Variants in RBFOX1 observed in about 807,000 individuals in gnomAD.
RBFOX1 encodes the protein RNA binding fox-1 homolog 1.
A neutral mutation model predicts 57.7 loss-of-function variants in RBFOX1; 8 were observed. That is an observed-to-expected ratio of 0.14 (90% CI 0.08 to 0.25). The LOEUF (loss-of-function observed/expected upper bound fraction) is 0.25, where lower values mean the gene tolerates loss of function less well. Ranked by LOEUF, RBFOX1 falls within the 10% of genes least tolerant of loss-of-function variation. RBFOX1 has a pLI of 1.00. For missense variants in RBFOX1, 611 were observed against 548.5 expected (o/e 1.11, Z -1.14); for synonymous variants, 326 against 222.4 (o/e 1.47, Z -4.15).
chr16:6,573,296 C>G (rs568651263), intron 2 of RBFOX1, among the ~76,000 whole-genome samples: 28 of 152,226 alleles, frequency 1.8e-4, no homozygotes, highest in Non-Finnish European at 3.7e-4. Flanking sequence ...TGCCAGGGGA[C>G]GCCATACCCT....
At chr16:7,442,394 T>G (rs1197114763) in intron 4 of RBFOX1, among the ~76,000 whole-genome samples, 1 of 152,022 alleles carries the variant, frequency 6.6e-6, no homozygotes, top group Non-Finnish European at 1.5e-5. Context: ...GGAGCAGCAT[T>G]TGTCGAACTC....
At chr16:5,419,056 A>G (rs1307209938) in intron 1 of RBFOX1, among the ~76,000 whole-genome samples, 1 of 152,148 alleles carries the variant, frequency 6.6e-6, no homozygotes, top group Non-Finnish European at 1.5e-5. Flanking sequence ...ACCAGGCTGG[A>G]GCAATGACAG....
At chr16:7,561,079 T>G (rs2090228052) in intron 5 of RBFOX1, among the ~76,000 whole-genome samples, 1 of 152,200 alleles carries the variant, frequency 6.6e-6, no homozygotes, top group African/African-American at 2.4e-5. Flanking sequence ...GTAGCAAATG[T>G]TCTTTATACA....
intron 4 of RBFOX1, among the ~76,000 whole-genome samples, chr16:7,139,871 C>G (rs1251088524): frequency 6.6e-6 from 1 of 151,744 alleles, no homozygotes; most frequent in East Asian, 1.9e-4. Context: ...AAGCTAAGAC[C>G]CTTAGGATGG....
At chr16:6,107,712 G>T (rs922299642) in intron 1 of RBFOX1, among the ~76,000 whole-genome samples, 3 of 108,052 alleles carry the variant, frequency 2.8e-5, no homozygotes, top group African/African-American at 3.7e-5. Context: ...TGGATGGATG[G>T]ATGGATTTGT....
At chr16:7,244,167 AT>A (rs1009735872) in intron 4 of RBFOX1, among the ~76,000 whole-genome samples, 1 of 151,844 alleles carries the variant, frequency 6.6e-6, no homozygotes, top group African/African-American at 2.4e-5. Flanking sequence ...GAGAAAAAAA[AT>A]CAGAGTAAAT....
At chr16:7,478,453 A>G (rs1262875887) in intron 4 of RBFOX1, among the ~76,000 whole-genome samples, 1 of 152,190 alleles carries the variant, frequency 6.6e-6, no homozygotes, top group Non-Finnish European at 1.5e-5. Context: ...GCTGCTGAAG[A>G]GAAAGTGCTT....
At chr16:6,632,926 G>A (rs1020698707) in intron 2 of RBFOX1, among the ~76,000 whole-genome samples, 3 of 152,152 alleles carry the variant, frequency 2.0e-5, no homozygotes, top group Non-Finnish European at 2.9e-5. Context: ...GTAAGCCTTC[G>A]AAATAGGTTG....
chr16:6,383,268 C>G (rs531443616), intron 2 of RBFOX1, among the ~76,000 whole-genome samples: 1 of 152,316 alleles, frequency 6.6e-6, no homozygotes, highest in African/African-American at 2.4e-5. Flanking sequence ...TGTTGTTAAA[C>G]TAAAGCTGAA....
At chr16:5,411,145 C>G (rs1468325133) in intron 1 of RBFOX1, among the ~76,000 whole-genome samples, 1 of 152,162 alleles carries the variant, frequency 6.6e-6, no homozygotes, top group Admixed American at 6.5e-5. Context: ...AGAGGGCAGA[C>G]TGTGGTGGGA....
chr16:6,580,021 T>G (rs1427722101), intron 2 of RBFOX1, among the ~76,000 whole-genome samples: 3 of 152,090 alleles, frequency 2.0e-5, no homozygotes, highest in Non-Finnish European at 2.9e-5. Context: ...TGCAGCGGTG[T>G]GATCTCAGAT....
chr16:5,291,219 C>G (rs2063526261), intron 1 of RBFOX1, among the ~76,000 whole-genome samples: 3 of 150,174 alleles, frequency 2.0e-5, no homozygotes, highest in South Asian at 2.1e-4. Flanking sequence ...TAGGGATGGA[C>G]TGAGATAGTG....
intron 4 of RBFOX1, among the ~76,000 whole-genome samples, chr16:7,185,291 C>A (rs1243961781): frequency 2.0e-5 from 3 of 151,470 alleles, no homozygotes; most frequent in African/African-American, 7.3e-5. Flanking sequence ...ATTTTTTTTT[C>A]CCTAATGATT....
intron 3 of RBFOX1, among the ~76,000 whole-genome samples, chr16:5,687,035 G>A (rs1349914078): frequency 6.6e-6 from 1 of 152,180 alleles, no homozygotes; most frequent in African/African-American, 2.4e-5. Context: ...TCTATTGCAA[G>A]AAGGATTACT....
intron 4 of RBFOX1, among the ~76,000 whole-genome samples, chr16:5,984,013 CT>C (rs1468125388): frequency 7.1e-6 from 1 of 139,988 alleles, no homozygotes. Flanking sequence ...CTCCTTCCTC[CT>C]TTTCTTCCTT....
chr16:6,069,757 T>C (rs1198970029), intron 1 of RBFOX1, among the ~76,000 whole-genome samples: 3 of 151,962 alleles, frequency 2.0e-5, no homozygotes, highest in Admixed American at 6.6e-5. Flanking sequence ...GAGGCTGAGG[T>C]GGGCAGATCA....
chr16:6,307,611 G>A (rs995881011), intron 1 of RBFOX1, among the ~76,000 whole-genome samples: 2 of 146,916 alleles, frequency 1.4e-5, no homozygotes, highest in African/African-American at 2.5e-5. Flanking sequence ...GATACATAAT[G>A]AGTTTTAATT....
chr16:7,206,383 G>A (rs1361587381), intron 4 of RBFOX1, among the ~76,000 whole-genome samples: 1 of 151,620 alleles, frequency 6.6e-6, no homozygotes, highest in Non-Finnish European at 1.5e-5. Flanking sequence ...TACACTACAT[G>A]CATTTTTAGC....
intron 1 of RBFOX1, among the ~76,000 whole-genome samples, chr16:6,222,269 A>G (rs1336315856): frequency 3.3e-5 from 5 of 152,142 alleles, no homozygotes. Flanking sequence ...TTGTAAATCA[A>G]AATTATTTCT....
Sources: allele counts gnomAD v4.1 joint callset (sites outside exome capture counted in the v4.1 genomes callset), GRCh38; gene constraint gnomAD v4.1.1; transcripts MANE v1.5; gene names NCBI Gene and HGNC (gene_info 2026-07-23, HGNC 2026-07-21).